OCRL: variants seen among roughly 807,000 people sequenced by gnomAD.
The protein encoded by OCRL is OCRL inositol polyphosphate-5-phosphatase.
In OCRL, 8 loss-of-function variants were observed where a neutral mutation model predicts 78.9. The ratio of observed to expected loss-of-function variants is 0.10; its 90% CI spans 0.06 to 0.18. OCRL has a LOEUF of 0.18. OCRL is among the 10% of genes least tolerant of loss of function. The pLI is 1.00. For synonymous variants in OCRL, 240 were observed against 235.4 expected, an observed-to-expected ratio of 1.02 and a Z score of -0.18; for missense variants, 454 against 696.7, an observed-to-expected ratio of 0.65 and a Z score of 3.92.
intron 4 of OCRL, among the ~76,000 whole-genome samples, chrX:129,556,513 A>G (rs1602779931): frequency 8.9e-6 from 1 of 112,327 alleles, no homozygotes; most frequent in East Asian, 2.8e-4. Context: ...AACGTATGTA[A>G]TAAATCAGTT....
chrX:129,558,920 C>T lies in OCRL; in HGVS notation c.641C>T (p.Thr214Ile). 1 of 1,211,335 alleles carries T rather than the reference C, an allele frequency of 8.3e-7. No individual in the cohort carries two copies. Among genetic ancestry groups the T allele is most frequent in the Non-Finnish European group, 1.1e-6 (1 of 894,932 alleles). The change falls in exon 8 of 24, where the codon ACC becomes ATC. Residue 214 changes from threonine (T) to isoleucine (I), a missense_variant. This residue lies in a region of OCRL where 177 missense variants were observed against 179.6 expected (regional missense o/e 0.99). Transcript: ENST00000371113. ...NTMRKLFVPN[T>I]QSGQREGLIK... ...ATGCGGAAGCTCTTTGTACCAAATA[C>T]CCAATCTGGGCAGCGGGAGGGTCTC...
chrX:129,570,847 T>C (rs1936290074), intron 15 of OCRL, among the ~76,000 whole-genome samples: 1 of 112,185 alleles, frequency 8.9e-6, no homozygotes, highest in Non-Finnish European at 1.9e-5. Flanking sequence ...AGATGGAAAA[T>C]ACAGTATTCA....
intron 19 of OCRL, chrX:129,586,708 C>T: frequency 2.4e-6 from 1 of 417,175 alleles, no homozygotes; most frequent in Admixed American, 2.5e-5. Flanking sequence ...AGCACTGGTT[C>T]TCAGTGTCAC....
At chrX:129,560,054 G>A (rs1936123951) in intron 8 of OCRL, among the ~76,000 whole-genome samples, 1 of 112,205 alleles carries the variant, frequency 8.9e-6, no homozygotes, top group Non-Finnish European at 1.9e-5. Flanking sequence ...AGTTAAGACA[G>A]TCATGAGTTT....
intron 3 of OCRL, among the ~76,000 whole-genome samples, chrX:129,546,933 CTG>C (rs1433444222): frequency 1.8e-5 from 2 of 111,361 alleles, no homozygotes; most frequent in African/African-American, 6.5e-5. Flanking sequence ...ATTTTGTAAA[CTG>C]TGGCCAGGCG....
intron 12 of OCRL, among the ~76,000 whole-genome samples, chrX:129,564,723 G>A (rs1005245434): frequency 9.1e-6 from 1 of 109,555 alleles, no homozygotes; most frequent in Non-Finnish European, 1.9e-5. Flanking sequence ...GACTGTTGTG[G>A]GGTGGGGGGA....
At position 129,540,724 on chromosome X, in the gene OCRL, C is replaced by A. The variant is rs756820258; in HGVS notation, c.40-20C>A. 8.4e-7 allele frequency: 1 copy of A among 1,196,793 alleles called. No individual in the cohort carries two copies. The highest frequency in any genetic ancestry group is 2.2e-5 in the Admixed American group (1 of 46,003). On this transcript the variant is annotated intron_variant, in intron 1 of 23. Transcript: ENST00000371113. ...CTCCCCACCGCGCTTCCGAAGGAGA[C>A]CCTTGACTAGCGCCCGCATACTGTC...
Position 129,575,268 on chromosome X carries a change from A to G in OCRL, c.1713+18A>G, listed in dbSNP as rs1161200958. ...GGAGGGAGGTGAGCAAAAATACATG[A>G]TCTCCCTGTCTACTGCTCACTGTGG... On this transcript the variant is annotated intron_variant, in intron 16 of 23. Coordinates refer to ENST00000371113, the MANE Select transcript of OCRL (RefSeq NM_000276.4). 9.8e-7 allele frequency: 1 copy of G among 1,018,058 alleles called. No individual in the cohort carries two copies. Among genetic ancestry groups the G allele is most frequent in the Admixed American group, 2.2e-5 (1 of 45,700 alleles). 83.9% of individuals were successfully genotyped at this position (1,018,058 alleles called of 1,213,427 possible).
At chrX:129,583,978 C>T (rs1313352531) in intron 18 of OCRL, among the ~76,000 whole-genome samples, 1 of 109,864 alleles carries the variant, frequency 9.1e-6, no homozygotes, top group Non-Finnish European at 1.9e-5. Flanking sequence ...GGGCCCACAG[C>T]CATATTCTTT....
intron 3 of OCRL, among the ~76,000 whole-genome samples, 170 bp from the exon 4 acceptor site, chrX:129,548,393 T>TA (rs752567046): frequency 4.1e-3 from 459 of 112,203 alleles, no homozygotes; most frequent in African/African-American, 0.013. Context: ...CCCAGTGCTA[T>TA]AAAAAATCCC....
At chrX:129,543,021 T>G (rs993056143) in intron 2 of OCRL, among the ~76,000 whole-genome samples, 1 of 111,820 alleles carries the variant, frequency 8.9e-6, no homozygotes, top group Non-Finnish European at 1.9e-5. Context: ...GATAATAGAT[T>G]ATGACAAAAC....
chrX:129,584,954 T>C (rs2362939), intron 19 of OCRL, among the ~76,000 whole-genome samples: 20,776 of 110,803 alleles, frequency 0.19, 3,713 homozygotes, highest in East Asian at 0.68. Flanking sequence ...GCTGAAGTCA[T>C]GCACTGTACC....
chrX:129,588,079 C>T, intron 20 of OCRL, 100 bp from the exon 21 acceptor site: 6 of 610,798 alleles, frequency 9.8e-6, no homozygotes, highest in Non-Finnish European at 1.4e-5. Context: ...ACATACCACC[C>T]TTCCCTTTTG....
intron 20 of OCRL, among the ~76,000 whole-genome samples, chrX:129,587,482 T>G (rs1482137498): frequency 9.0e-6 from 1 of 111,012 alleles, no homozygotes; most frequent in Non-Finnish European, 1.9e-5. Flanking sequence ...CCAAAGCAGA[T>G]TTTAAACCCA....
chrX:129,560,161 A>G (rs145667466), intron 8 of OCRL, among the ~76,000 whole-genome samples: 2 of 112,083 alleles, frequency 1.8e-5, no homozygotes, highest in Non-Finnish European at 3.8e-5. Flanking sequence ...CCTGGAGTCA[A>G]CTATAGCCCC....
intron 17 of OCRL, 35 bp downstream of exon 17, chrX:129,576,097 A>C: frequency 8.7e-7 from 1 of 1,155,011 alleles, no homozygotes; most frequent in Non-Finnish European, 1.2e-6. Context: ...TCTGCTGGTG[A>C]TGTCATGACT....
At chrX:129,589,482 CCATT>C in intron 22 of OCRL, 1 of 291,637 alleles carries the variant, frequency 3.4e-6, no homozygotes, top group Non-Finnish European at 6.2e-6. Context: ...GTAAAGAAAA[CCATT>C]CAAACAAAAA....
chrX:129,567,129 T>G (rs1051905608), intron 13 of OCRL, 125 bp from the exon 14 acceptor site: 1 of 519,230 alleles, frequency 1.9e-6, no homozygotes, highest in African/African-American at 2.3e-5. Flanking sequence ...TTATGTACTC[T>G]CACTACAGTT....
chrX:129,565,964 A>G, intron 13 of OCRL, 81 bp downstream of exon 13: 3 of 667,735 alleles, frequency 4.5e-6, no homozygotes, highest in Non-Finnish European at 7.3e-6. Flanking sequence ...ATCTTACTCT[A>G]GGGAGTGATG....
Sources: allele counts gnomAD v4.1 joint callset (sites outside exome capture counted in the v4.1 genomes callset), GRCh38; gene constraint gnomAD v4.1.1; regional missense constraint gnomAD v4.1.1; transcripts MANE v1.5; gene names NCBI Gene and HGNC (gene_info 2026-07-23, HGNC 2026-07-21).